Variants in RBMS3 observed in about 807,000 individuals in gnomAD.
The protein encoded by RBMS3 is RNA-binding motif, single-stranded-interacting protein 3.
A neutral mutation model predicts 66.8 loss-of-function variants in RBMS3; 27 were observed. The ratio of observed to expected loss-of-function variants is 0.40; its 90% CI spans 0.30 to 0.56. The LOEUF is 0.56. RBMS3 is among the 20% of genes least tolerant of loss of function. The pLI, the probability that RBMS3 is intolerant of heterozygous loss-of-function variation, is 0.40. For missense variants in RBMS3, 513 were observed against 549.5 expected, an observed-to-expected ratio of 0.93 and a Z score of 0.66; for synonymous variants, 188 against 183.0, an observed-to-expected ratio of 1.03 and a Z score of -0.22.
chr3:29,343,232 G>A (rs1296321880), intron 1 of RBMS3, among the ~76,000 whole-genome samples: 3 of 152,064 alleles, frequency 2.0e-5, no homozygotes, highest in African/African-American at 7.2e-5. Flanking sequence ...CTTATAACAA[G>A]TGAGTATTTG....
chr3:29,304,892 A>G (rs891359819), intron 1 of RBMS3, among the ~76,000 whole-genome samples: 1 of 151,908 alleles, frequency 6.6e-6, no homozygotes, highest in African/African-American at 2.4e-5. Flanking sequence ...CTCTTCACCA[A>G]CTTGACTGTG....
chr3:29,682,903 C>T (rs1344627163), intron 4 of RBMS3, among the ~76,000 whole-genome samples: 2 of 152,144 alleles, frequency 1.3e-5, no homozygotes, highest in Admixed American at 1.3e-4. Flanking sequence ...TGCCTTAAAG[C>T]TGATATACTC....
chr3:29,843,803 G>C (rs116346345), intron 6 of RBMS3, among the ~76,000 whole-genome samples: 1,773 of 152,112 alleles, frequency 0.012, 31 homozygotes, highest in African/African-American at 0.039. Context: ...ACAAAAATTA[G>C]CCAGGCATTG....
chr3:29,685,225 A>AT (rs550148514), intron 4 of RBMS3, among the ~76,000 whole-genome samples: 4,163 of 150,752 alleles, frequency 0.028, 79 homozygotes, highest in Admixed American at 0.063. Flanking sequence ...CGCCCAGCTA[A>AT]TTTTTTTTTG....
intron 6 of RBMS3, among the ~76,000 whole-genome samples, chr3:29,821,510 A>G (rs1027431871): frequency 2.0e-5 from 3 of 152,220 alleles, no homozygotes; most frequent in Admixed American, 6.5e-5. Flanking sequence ...TGACAAGCAT[A>G]GGCTTATAAA....
At chr3:29,637,122 T>G (rs948971251) in intron 4 of RBMS3, among the ~76,000 whole-genome samples, 1 of 151,844 alleles carries the variant, frequency 6.6e-6, no homozygotes, top group Non-Finnish European at 1.5e-5. Context: ...AAGCAACACT[T>G]TCCATTTTTT....
chr3:29,718,435 G>A (rs2053499528), intron 4 of RBMS3, among the ~76,000 whole-genome samples: 1 of 152,022 alleles, frequency 6.6e-6, no homozygotes, highest in Non-Finnish European at 1.5e-5. Flanking sequence ...AAATAAGATA[G>A]GGATGGGGAA....
chr3:29,991,026 G>A, intron 13 of RBMS3, 56 bp from the exon 14 acceptor site: 3 of 1,558,318 alleles, frequency 1.9e-6, no homozygotes, highest in Non-Finnish European at 1.8e-6. Flanking sequence ...AGCCTATCTA[G>A]AGAGGGCCCT....
chr3:29,638,871 G>A (rs1040326653), intron 4 of RBMS3, among the ~76,000 whole-genome samples: 2 of 151,716 alleles, frequency 1.3e-5, no homozygotes, highest in South Asian at 2.1e-4. Context: ...ACATTGCTTC[G>A]AGCTGGAAAA....
At chr3:29,826,620 C>A (rs2058219266) in intron 6 of RBMS3, among the ~76,000 whole-genome samples, 1 of 152,118 alleles carries the variant, frequency 6.6e-6, no homozygotes, top group Admixed American at 6.6e-5. Context: ...TCTCACAGGG[C>A]TGTCACCAGG....
At position 29,856,580 on chromosome 3, in the gene RBMS3, A is replaced by G. The variant is rs566150161; in HGVS notation, c.638-12278A>G. Among the ~76,000 whole-genome samples, 5 of 152,340 alleles carry G rather than the reference A, an allele frequency of 3.3e-5. No homozygotes were observed. In the East Asian group the frequency reaches 9.6e-4, roughly 29 times the overall value. ...GTCTATTGACAATTTGAATCCATAT[A>G]AGATACCTTTAGTGCTCACTCCCAG... On this transcript the variant is annotated intron_variant, in intron 6 of 14. Transcript: ENST00000383767.
At chr3:29,492,678 A>G (rs2043594827) in intron 3 of RBMS3, among the ~76,000 whole-genome samples, 1 of 152,154 alleles carries the variant, frequency 6.6e-6, no homozygotes, top group South Asian at 2.1e-4. Flanking sequence ...AGAAAGGAGG[A>G]AAGTGGACTA....
intron 1 of RBMS3, among the ~76,000 whole-genome samples, chr3:29,381,043 A>T (rs2125623456): frequency 6.6e-6 from 1 of 152,282 alleles, no homozygotes; most frequent in Non-Finnish European, 1.5e-5. Flanking sequence ...CATATGATAC[A>T]TCATGTGCAA....
At chr3:29,683,532 A>G (rs2051586536) in intron 4 of RBMS3, among the ~76,000 whole-genome samples, 1 of 152,204 alleles carries the variant, frequency 6.6e-6, no homozygotes, top group Non-Finnish European at 1.5e-5. Flanking sequence ...ACATGCCTAT[A>G]ACACTGGCTT....
chr3:29,416,950 A>G (rs1211820599), intron 1 of RBMS3, among the ~76,000 whole-genome samples: 1 of 152,174 alleles, frequency 6.6e-6, no homozygotes, highest in East Asian at 1.9e-4. Flanking sequence ...TGTGAAGCTG[A>G]AGAAAACATT....
intron 3 of RBMS3, among the ~76,000 whole-genome samples, chr3:29,572,389 T>C (rs1412519106): frequency 5.3e-5 from 8 of 152,174 alleles, no homozygotes; most frequent in Non-Finnish European, 1.2e-4. Flanking sequence ...TTCAGTATAA[T>C]ACTAGTCATG....
intron 6 of RBMS3, among the ~76,000 whole-genome samples, chr3:29,821,744 C>T (rs1042156098): frequency 1.3e-5 from 2 of 152,122 alleles, no homozygotes; most frequent in African/African-American, 4.8e-5. Context: ...GAAATGTAGG[C>T]TAACAACCAA....
At chr3:29,736,987 T>C (rs1213403466) in intron 4 of RBMS3, among the ~76,000 whole-genome samples, 2 of 144,726 alleles carry the variant, frequency 1.4e-5, no homozygotes, top group African/African-American at 5.3e-5. Flanking sequence ...ACACAAAGTG[T>C]TTTTTTTTTG....
chr3:29,991,848 G>T (rs1009994983), intron 14 of RBMS3: 9 of 152,078 alleles, frequency 5.9e-5, no homozygotes, highest in African/African-American at 2.2e-4. Context: ...ACAGTTAAAT[G>T]TCGATGAAAA....
Sources: allele counts gnomAD v4.1 joint callset (sites outside exome capture counted in the v4.1 genomes callset), GRCh38; gene constraint gnomAD v4.1.1; transcripts MANE v1.5; gene names NCBI Gene and HGNC (gene_info 2026-07-23, HGNC 2026-07-21).